CCDC83: variants seen among roughly 807,000 people sequenced by gnomAD.
CCDC83 encodes the protein coiled-coil domain containing 83.
In CCDC83, 54 loss-of-function variants were observed where a neutral mutation model predicts 50.1. That is an observed-to-expected ratio of 1.08 (90% CI 0.87 to 1.35). The LOEUF is 1.35. Among genes scored for constraint, CCDC83 ranks in the 40% most tolerant of loss-of-function variants. The pLI, the probability that CCDC83 is intolerant of heterozygous loss-of-function variation, is 0.00. For missense variants in CCDC83, 518 were observed against 473.9 expected (o/e 1.09, Z -0.86); for synonymous variants, 161 against 153.3 (o/e 1.05, Z -0.37).
intron 3 of CCDC83, among the ~76,000 whole-genome samples, chr11:85,877,525 C>T (rs1267154877): frequency 6.6e-6 from 1 of 152,082 alleles, no homozygotes; most frequent in African/African-American, 2.4e-5. Flanking sequence ...AAAAATATCA[C>T]ATGCTTGAAA....
intron 7 of CCDC83, among the ~76,000 whole-genome samples, chr11:85,902,938 A>C (rs2093408700): frequency 6.6e-6 from 1 of 152,148 alleles, no homozygotes; most frequent in Non-Finnish European, 1.5e-5. Context: ...GATTGAAAAA[A>C]ATCTGCATGT....
rs531800394 is a variant in CCDC83, at chr11:85,875,434, T to C, written c.180+2139T>C. Among the ~76,000 whole-genome samples the C allele has an allele frequency of 1.8e-4, 27 of 152,358 alleles. 2 individuals carry two copies. Among genetic ancestry groups the C allele is most frequent in the African/African-American group, 6.5e-4 (27 of 41,592 alleles). ...GCTCCACCTTTTGCTTACCATCTCT[T>C]CTTTGAAATCTTGAAAAACCAATCT... On this transcript the variant is annotated intron_variant, in intron 3 of 10. Coordinates refer to ENST00000342404, the MANE Select transcript of CCDC83 (RefSeq NM_001286159.2).
In CCDC83 at chr11:85,919,740, A is replaced by G. The variant is rs937652492; in HGVS notation, c.*230A>G. 51 of 463,698 alleles carry G rather than the reference A, an allele frequency of 1.1e-4. 2 individuals carry two copies. The highest frequency in any genetic ancestry group is 7.7e-4 in the African/African-American group (38 of 49,242). 28.7% of individuals were successfully genotyped at this position (463,698 alleles called of 1,614,324 possible). On this transcript the variant is annotated 3_prime_UTR_variant, in exon 11 of 11. Coordinates refer to ENST00000342404, the MANE Select transcript of CCDC83 (RefSeq NM_001286159.2). The stretch of plus-strand genomic sequence containing the variant: ...GTATTTCTACACTGAAGTATTCAGA[A>G]GCATGACAGTGGGTTCAAGGTAGTC...
intron 7 of CCDC83, among the ~76,000 whole-genome samples, chr11:85,909,101 T>A (rs994997651): frequency 6.6e-6 from 1 of 152,186 alleles, no homozygotes; most frequent in Non-Finnish European, 1.5e-5. Context: ...GCCCAGCTAA[T>A]TTTTTATTTT....
intron 2 of CCDC83, among the ~76,000 whole-genome samples, chr11:85,868,904 A>G (rs2153682904): frequency 6.6e-6 from 1 of 152,358 alleles, no homozygotes; most frequent in South Asian, 2.1e-4. Flanking sequence ...CTCCCTCAAC[A>G]AACTGTGAGC....
chr11:85,919,175 T>G (rs541291334), intron 10 of CCDC83, among the ~76,000 whole-genome samples, 174 bp from the exon 11 acceptor site: 3 of 152,298 alleles, frequency 2.0e-5, no homozygotes, highest in South Asian at 2.1e-4. Context: ...GAGTATTTTG[T>G]TTTTTTCCCA....
At chr11:85,915,286 G>C in intron 8 of CCDC83, 133 bp from the exon 9 acceptor site, 1 of 635,472 alleles carries the variant, frequency 1.6e-6, no homozygotes, top group Non-Finnish European at 2.7e-6. Context: ...TGGGCTTTAT[G>C]CTCCTCAGGG....
intron 5 of CCDC83, among the ~76,000 whole-genome samples, chr11:85,893,399 G>A (rs958278293): frequency 6.6e-6 from 1 of 152,126 alleles, no homozygotes; most frequent in African/African-American, 2.4e-5. Flanking sequence ...TGGGCTCCTG[G>A]TCAATTGAAA....
intron 1 of CCDC83, among the ~76,000 whole-genome samples, chr11:85,856,793 G>T (rs79349553): frequency 0.16 from 23,993 of 151,982 alleles, 2,090 homozygotes; most frequent in Middle Eastern, 0.2. Context: ...AACAATTTTG[G>T]TCCCTATCAT....
chr11:85,880,794 A>G (rs1200651246), intron 3 of CCDC83, among the ~76,000 whole-genome samples: 1 of 152,110 alleles, frequency 6.6e-6, no homozygotes, highest in Non-Finnish European at 1.5e-5. Context: ...CCCTTAACTG[A>G]AATTCTTGGG....
At chr11:85,862,056 G>C (rs2093179519) in intron 1 of CCDC83, among the ~76,000 whole-genome samples, 1 of 149,432 alleles carries the variant, frequency 6.7e-6, no homozygotes, top group African/African-American at 2.5e-5. Flanking sequence ...TAGATACTGA[G>C]CCAGGATGCT....
At chr11:85,899,069 G>A (rs2093388632) in intron 7 of CCDC83, 54 bp downstream of exon 7, 2 of 1,302,064 alleles carry the variant, frequency 1.5e-6, no homozygotes, top group African/African-American at 1.5e-5. Context: ...TTTTTAAGTG[G>A]AAATGACTTT....
intron 1 of CCDC83, among the ~76,000 whole-genome samples, chr11:85,864,588 T>A (rs2093196311): frequency 6.6e-6 from 1 of 152,228 alleles, no homozygotes; most frequent in African/African-American, 2.4e-5. Flanking sequence ...CAATGTGTGC[T>A]TTTATTTGCT....
chr11:85,873,035 A>AAT (rs2153683517), intron 2 of CCDC83, among the ~76,000 whole-genome samples, 176 bp from the exon 3 acceptor site: 1 of 152,176 alleles, frequency 6.6e-6, no homozygotes, highest in South Asian at 2.1e-4. Flanking sequence ...TTTTCTCTCC[A>AAT]ATATATATTT....
chr11:85,904,425 C>T (rs951273746), intron 7 of CCDC83, among the ~76,000 whole-genome samples: 2 of 152,184 alleles, frequency 1.3e-5, no homozygotes, highest in African/African-American at 2.4e-5. Flanking sequence ...GTACCTTAAG[C>T]TTATCTAGCC....
chr11:85,912,259 T>C (rs998358978), intron 8 of CCDC83, among the ~76,000 whole-genome samples: 4 of 152,194 alleles, frequency 2.6e-5, no homozygotes, highest in African/African-American at 7.2e-5. Context: ...TTGTGTGACA[T>C]GGAAGACTAC....
chr11:85,879,781 G>A (rs985044756), intron 3 of CCDC83, among the ~76,000 whole-genome samples: 3 of 152,046 alleles, frequency 2.0e-5, no homozygotes, highest in African/African-American at 7.2e-5. Context: ...CACCATGCCC[G>A]GCTAATTTTG....
At chr11:85,907,954 G>A (rs900357093) in intron 7 of CCDC83, among the ~76,000 whole-genome samples, 3 of 151,874 alleles carry the variant, frequency 2.0e-5, no homozygotes, top group Non-Finnish European at 4.4e-5. Flanking sequence ...TCTAACTATA[G>A]TTTTTTTTCC....
intron 1 of CCDC83, among the ~76,000 whole-genome samples, chr11:85,863,207 T>C (rs1301715340): frequency 6.6e-5 from 10 of 152,250 alleles, no homozygotes. Flanking sequence ...AAATGGTAAG[T>C]TATTGTTTTA....
Sources: gnomAD v4.1 joint callset for allele counts (sites outside exome capture counted in the v4.1 genomes callset) on GRCh38, gnomAD v4.1.1 for gene constraint, MANE v1.5 for transcripts, NCBI Gene and HGNC (gene_info 2026-07-23, HGNC 2026-07-21) for gene names.